The following FANK1 variants were observed in gnomAD, a reference collection of about 807,000 sequenced individuals.
FANK1 encodes fibronectin type 3 and ankyrin repeat domains protein 1.
In FANK1, 44 loss-of-function variants were observed where a neutral mutation model predicts 45.3. The observed-to-expected ratio is 0.97, with a 90% confidence interval of 0.76 to 1.25. The LOEUF (loss-of-function observed/expected upper bound fraction) is 1.25, where lower values mean the gene tolerates loss of function less well. Ranked by LOEUF, FANK1 falls within the 50% of genes most tolerant of loss-of-function variation. The probability of loss-of-function intolerance (pLI) is 0.00; values close to 1 mark genes in which losing one functional copy is unlikely to be tolerated. For synonymous variants in FANK1, 149 were observed against 152.5 expected, an observed-to-expected ratio of 0.98 and a Z score of 0.17; for missense variants, 391 against 424.4, an observed-to-expected ratio of 0.92 and a Z score of 0.69.
chr10:125,980,429 T>G (rs553474201), intron 2 of FANK1, 91 bp downstream of exon 2: 1 of 1,388,010 alleles, frequency 7.2e-7, no homozygotes, highest in East Asian at 2.3e-5. Context: ...ACTGCTTGTT[T>G]CAAATTAAAG....
chr10:125,953,539 G>A (rs931648140), intron 1 of FANK1, among the ~76,000 whole-genome samples: 3 of 152,232 alleles, frequency 2.0e-5, no homozygotes, highest in African/African-American at 4.8e-5. Context: ...GTTCCTATGC[G>A]GGGGAAGAAC....
rs71486557 is a variant in FANK1, at chr10:125,964,186, CTTTTTTTT to C, written c.14-15958_14-15951del. On this transcript the variant is annotated intron_variant, in intron 1 of 10. Transcript: ENST00000368693. ...ATGTAGATTATATCATTCTCTCTCT[CTTTTTTTT>C]TTTTTTTTTTTTTTTTGAGATGGAG... Among the ~76,000 whole-genome samples the C allele has an allele frequency of 9.5e-3, 742 of 78,462 alleles. 5 individuals carry two copies. Among genetic ancestry groups the C allele is most frequent in the African/African-American group, 0.037 (683 of 18,456 alleles). 51.5% of individuals were successfully genotyped at this position (78,462 alleles called of 152,430 possible).
intron 1 of FANK1, among the ~76,000 whole-genome samples, chr10:125,967,389 G>T (rs1487447282): frequency 6.6e-6 from 1 of 152,142 alleles, no homozygotes; most frequent in African/African-American, 2.4e-5. Flanking sequence ...TAAGGTTGTT[G>T]TGAAGATTAA....
chr10:125,955,609 T>TACCTCCCAACC (rs1445749153), intron 1 of FANK1, among the ~76,000 whole-genome samples: 2 of 152,136 alleles, frequency 1.3e-5, no homozygotes, highest in Admixed American at 6.6e-5. Flanking sequence ...ACCTCCCAAG[T>TACCTCCCAACC]AGCTGGGACT....
At chr10:125,985,977 C>G (rs1008137956) in intron 2 of FANK1, among the ~76,000 whole-genome samples, 44 of 152,270 alleles carry the variant, frequency 2.9e-4, no homozygotes, top group Admixed American at 2.8e-3. Flanking sequence ...GAAGCAGAAA[C>G]TTCTGGGCAT....
At chr10:125,942,959 G>A (rs1393548668) in intron 1 of FANK1, among the ~76,000 whole-genome samples, 4 of 151,816 alleles carry the variant, frequency 2.6e-5, no homozygotes, top group Non-Finnish European at 4.4e-5. Flanking sequence ...GATTACAAGC[G>A]TGTGCCACCA....
At position 125,983,507 on chromosome 10, in the gene FANK1, T is replaced by C. The variant is rs4282913; in HGVS notation, c.191+3169T>C. On this transcript the variant is annotated intron_variant, in intron 2 of 10. Transcript: ENST00000368693. The surrounding 1 kb of genome is among the most constrained non-coding windows in gnomAD (Gnocchi z 4.3). The stretch of plus-strand genomic sequence containing the variant: ...CTGAGGGGCAGCAGCATAGGAAAAA[T>C]TGAGGGCCTGGGGTAGAGGTGGGGA... Among the ~76,000 whole-genome samples, 46,603 of 151,726 alleles carry C rather than the reference T, an allele frequency of 0.31. 7,636 individuals carry two copies. Among genetic ancestry groups the C allele is most frequent in the African/African-American group, 0.4 (16,621 of 41,364 alleles).
chr10:125,962,572 T>TA (rs1195770533), intron 1 of FANK1, among the ~76,000 whole-genome samples: 1 of 152,204 alleles, frequency 6.6e-6, no homozygotes, highest in African/African-American at 2.4e-5. Context: ...CATTGATTGA[T>TA]ACAGTTTTCT....
At chr10:125,954,510 A>G (rs922560938) in intron 1 of FANK1, among the ~76,000 whole-genome samples, 1 of 152,244 alleles carries the variant, frequency 6.6e-6, no homozygotes, top group Non-Finnish European at 1.5e-5. Flanking sequence ...TTAAAGGATC[A>G]ATAATTTTTA....
rs573385170 is a variant in FANK1 at position 125,983,050 on chromosome 10, C to G, written c.191+2712C>G. On this transcript the variant is annotated intron_variant, in intron 2 of 10. Coordinates refer to ENST00000368693, the MANE Select transcript of FANK1 (RefSeq NM_145235.5). The surrounding 1 kb of genome is among the most constrained non-coding windows in gnomAD (Gnocchi z 4.3). ...AATTCCTTAGACTAACATTTAATGT[C>G]TTTCACAGTTTCCCTACACCTGCCT... Among the ~76,000 whole-genome samples the G allele has an allele frequency of 2.0e-5, 3 of 152,006 alleles. No individual in the cohort carries two copies. Among genetic ancestry groups the G allele is most frequent in the African/African-American group, 7.2e-5 (3 of 41,460 alleles).
Position 125,934,722 on chromosome 10 carries a change from CCGTTTTTT to C in FANK1, c.13+38068_13+38075del, listed in dbSNP as rs1308092254. The stretch of plus-strand genomic sequence containing the variant: ...TCAGTTCCCACCACCTGTACCCCTA[CCGTTTTTT>C]TTTTTTTTTTTTTTTTTTTTTTTTT... On this transcript the variant is annotated intron_variant, in intron 1 of 10. Transcript: ENST00000368693. Among the ~76,000 whole-genome samples the C allele has an allele frequency of 4.3e-4, 53 of 122,974 alleles. 1 individual carries two copies. Among genetic ancestry groups the C allele is most frequent in the African/African-American group, 1.5e-3 (48 of 31,474 alleles). The allele number at this position is 122,974 out of a possible 152,430, so 80.7% of individuals were successfully genotyped here.
Position 125,950,016 on chromosome 10 carries a change from A to G in FANK1, c.14-30145A>G, listed in dbSNP as rs2134164864. Among the ~76,000 whole-genome samples the G allele has an allele frequency of 3.2e-5, 4 of 126,354 alleles. No individual in the cohort carries two copies. In the East Asian group the frequency reaches 7.2e-4, roughly 23 times the overall value. 82.9% of individuals were successfully genotyped at this position (126,354 alleles called of 152,430 possible). ...ACGTGAGAAAAACAAGCAATGGGGA[A>G]AGGATTCCCTATTTAATAAATGGTG... On this transcript the variant is annotated intron_variant, in intron 1 of 10. Coordinates refer to ENST00000368693, the MANE Select transcript of FANK1 (RefSeq NM_145235.5).
chr10:125,965,639 TCTC>T (rs1472504974), intron 1 of FANK1, among the ~76,000 whole-genome samples: 1 of 152,212 alleles, frequency 6.6e-6, no homozygotes, highest in East Asian at 1.9e-4. Context: ...TGAGCCTTGG[TCTC>T]CTCCTCTCTG....
Position 125,950,227 on chromosome 10 carries a change from C to T in FANK1, c.14-29934C>T, listed in dbSNP as rs1301381005. Among the ~76,000 whole-genome samples the T allele has an allele frequency of 5.3e-5, 8 of 151,534 alleles. No individual in the cohort carries two copies. In the South Asian group the frequency reaches 1.7e-3, roughly 32 times the overall value. On this transcript the variant is annotated intron_variant, in intron 1 of 10. Coordinates refer to ENST00000368693, the MANE Select transcript of FANK1 (RefSeq NM_145235.5). ...ATGGGCAAGGACTTCATGTCCAAAA[C>T]ACCAAAAGCAATGGCAGCAAAAGCC...
At chr10:125,964,856 C>G (rs1950124086) in intron 1 of FANK1, among the ~76,000 whole-genome samples, 2 of 152,226 alleles carry the variant, frequency 1.3e-5, no homozygotes, top group Non-Finnish European at 2.9e-5. Flanking sequence ...GAGTGTTCCA[C>G]TCTTCCTCTT....
chr10:125,949,577 AAGG>A (rs1949058823), intron 1 of FANK1, among the ~76,000 whole-genome samples: 1 of 149,406 alleles, frequency 6.7e-6, no homozygotes, highest in African/African-American at 2.4e-5. Flanking sequence ...GGACCTCTTC[AAGG>A]AGAACTACAA....
intron 3 of FANK1, among the ~76,000 whole-genome samples, chr10:125,992,739 A>T (rs926425604): frequency 2.0e-5 from 3 of 151,694 alleles, no homozygotes; most frequent in African/African-American, 7.3e-5. Flanking sequence ...CTTTCTGTTC[A>T]GGTAAGATGG....
intron 1 of FANK1, among the ~76,000 whole-genome samples, chr10:125,922,518 C>G (rs1039729947): frequency 1.3e-5 from 2 of 152,162 alleles, no homozygotes; most frequent in Non-Finnish European, 2.9e-5. Flanking sequence ...GTCAGTACAT[C>G]TTTCTGTTGT....
At chr10:125,938,231 G>T (rs1948225768) in intron 1 of FANK1, among the ~76,000 whole-genome samples, 1 of 152,140 alleles carries the variant, frequency 6.6e-6, no homozygotes, top group Non-Finnish European at 1.5e-5. Flanking sequence ...TGTAAATATG[G>T]AAGGAAGAAA....
Sources: allele counts gnomAD v4.1 joint callset (sites outside exome capture counted in the v4.1 genomes callset), GRCh38; gene constraint gnomAD v4.1.1; non-coding constraint Gnocchi (gnomAD v3.1); transcripts MANE v1.5; gene names NCBI Gene and HGNC (gene_info 2026-07-23, HGNC 2026-07-21).